Variants in ZMYM4 observed in about 807,000 individuals in gnomAD.
ZMYM4 encodes zinc finger MYM-type containing 4.
In ZMYM4, 31 loss-of-function variants were observed where a neutral mutation model predicts 183.2. That is an observed-to-expected ratio of 0.17 (90% CI 0.13 to 0.23). ZMYM4 has a LOEUF of 0.23. Among genes scored for constraint, ZMYM4 ranks in the 10% least tolerant of loss-of-function variants. The pLI is 1.00. For missense variants in ZMYM4, 1,273 were observed against 1,840.3 expected, an observed-to-expected ratio of 0.69 and a Z score of 5.64; for synonymous variants, 592 against 631.2, an observed-to-expected ratio of 0.94 and a Z score of 0.93.
At chr1:35,364,708 A>G (rs1413564884) in intron 5 of ZMYM4, among the ~76,000 whole-genome samples, 1 of 152,198 alleles carries the variant, frequency 6.6e-6, no homozygotes, top group Non-Finnish European at 1.5e-5. Flanking sequence ...ATGGTTCAAT[A>G]AAATCATAGC....
intron 1 of ZMYM4, among the ~76,000 whole-genome samples, chr1:35,304,767 C>A (rs943818031): frequency 6.6e-6 from 1 of 152,040 alleles, no homozygotes; most frequent in African/African-American, 2.4e-5. Context: ...CCACTCCCAG[C>A]CTCAATTATT....
In ZMYM4 at chr1:35,344,859, T is replaced by G. The variant is rs548135643; in HGVS notation, c.86-14066T>G. Reference sequence around the variant, plus strand: ...ATTGGCCATATAAAATTAGGAAATATTCCTTTCTCATATTTGCTTAAAGAG... The same window carrying G: ...ATTGGCCATATAAAATTAGGAAATAGTCCTTTCTCATATTTGCTTAAAGAG... On this transcript the variant is annotated intron_variant, in intron 2 of 29. Transcript: ENST00000314607. Among the ~76,000 whole-genome samples, 4 of 152,342 alleles carry G rather than the reference T, an allele frequency of 2.6e-5. No individual in the cohort carries two copies. In the East Asian group the frequency reaches 7.7e-4, roughly 29 times the overall value.
intron 2 of ZMYM4, among the ~76,000 whole-genome samples, chr1:35,335,584 C>T (rs1642937973): frequency 1.3e-5 from 2 of 152,140 alleles, no homozygotes; most frequent in South Asian, 4.2e-4. Flanking sequence ...GTATGCGGTT[C>T]TTGTTTATTT....
chr1:35,276,933 C>A (rs557856793), intron 1 of ZMYM4, among the ~76,000 whole-genome samples: 94 of 152,224 alleles, frequency 6.2e-4, no homozygotes, highest in African/African-American at 2.2e-3. Context: ...AACTCATACC[C>A]CCTGTGCTCC....
At chr1:35,276,739 C>G (rs1420620884) in intron 1 of ZMYM4, among the ~76,000 whole-genome samples, 3 of 152,092 alleles carry the variant, frequency 2.0e-5, no homozygotes, top group African/African-American at 7.2e-5. Context: ...TCCCGAGTAG[C>G]TGGGATTATA....
intron 7 of ZMYM4, among the ~76,000 whole-genome samples, chr1:35,373,928 G>C (rs1644275204): frequency 6.6e-6 from 1 of 150,544 alleles, no homozygotes. Flanking sequence ...ACTTTATACT[G>C]CTTGAATTGT....
chr1:35,387,410 C>T (rs1376030372), intron 12 of ZMYM4, 44 bp from the exon 13 acceptor site: 2 of 1,576,028 alleles, frequency 1.3e-6, no homozygotes, highest in Non-Finnish European at 1.7e-6. Flanking sequence ...TTCCATAAGA[C>T]AAACCAAATG....
chr1:35,384,324 C>T (rs997646863), intron 9 of ZMYM4, among the ~76,000 whole-genome samples: 15 of 152,092 alleles, frequency 9.9e-5, no homozygotes, highest in African/African-American at 2.9e-4. Context: ...AGAAGACATT[C>T]CAGAATTCAG....
Position 35,387,611 on chromosome 1 carries a change from A to G in ZMYM4, c.2263+7A>G, listed in dbSNP as rs771284257. 2 of 1,599,016 alleles carry G rather than the reference A, an allele frequency of 1.3e-6. No homozygotes were observed. The highest frequency in any genetic ancestry group is 2.2e-5 in the East Asian group (1 of 44,792). On this transcript the variant is annotated splice_region_variant and intron_variant, in intron 13 of 29. Transcript: ENST00000314607. ...AAGTCATTCTGTAGTGAAGGTAAAG[A>G]CAGAAGATTATCTTACCTACTGAGC...
chr1:35,380,590 C>T (rs567744600), intron 7 of ZMYM4, among the ~76,000 whole-genome samples: 19 of 152,098 alleles, frequency 1.2e-4, no homozygotes, highest in South Asian at 6.2e-4. Flanking sequence ...CCTCCCAAAG[C>T]GTTGGGATTA....
At chr1:35,303,132 A>G (rs1303899235) in intron 1 of ZMYM4, among the ~76,000 whole-genome samples, 1 of 150,958 alleles carries the variant, frequency 6.6e-6, no homozygotes, top group Non-Finnish European at 1.5e-5. Flanking sequence ...TCTTTGCAAA[A>G]AATCCAGAAA....
chr1:35,317,670 GA>G (rs1489635213), intron 1 of ZMYM4, among the ~76,000 whole-genome samples: 6 of 152,144 alleles, frequency 3.9e-5, no homozygotes, highest in Admixed American at 2.6e-4. Flanking sequence ...AAAGATGCTA[GA>G]ACAGATCGGG....
In ZMYM4 at chr1:35,373,368, C is replaced by CT. The variant is rs1275965881; in HGVS notation, c.1181+2752dup. On this transcript the variant is annotated intron_variant, in intron 7 of 29. Coordinates refer to ENST00000314607, the MANE Select transcript of ZMYM4 (RefSeq NM_005095.3). ...TGAATGGGAGAATTAATGATCTTAA[C>CT]TTTTTTTTTTTCTTTTTTTTTTTTG... 5.4e-3 allele frequency among the ~76,000 whole-genome samples: 764 copies of CT among 140,962 alleles called. 5 individuals carry two copies. The highest frequency in any genetic ancestry group is 0.018 in the African/African-American group (702 of 38,308). 92.5% of individuals were successfully genotyped at this position (140,962 alleles called of 152,430 possible). A position where few individuals can be genotyped will look rare whatever the true frequency, so the allele number is the denominator to read the frequency against.
In ZMYM4 at chr1:35,399,127, C is replaced by G. The variant is rs548158183; in HGVS notation, c.3433+84C>G. On this transcript the variant is annotated intron_variant, in intron 22 of 29. Coordinates refer to ENST00000314607, the MANE Select transcript of ZMYM4 (RefSeq NM_005095.3). Reference sequence around the variant, plus strand: ...CTGAATTGACACTATTAAGCAGTGCCAATTGTTATTGATAATAACAGTGTA... The same window carrying G: ...CTGAATTGACACTATTAAGCAGTGCGAATTGTTATTGATAATAACAGTGTA... The G allele has an allele frequency of 6.5e-4, 872 of 1,336,512 alleles. 7 individuals carry two copies. In the Middle Eastern group the frequency reaches 0.013, roughly 21 times the overall value. 82.8% of individuals were successfully genotyped at this position (1,336,512 alleles called of 1,614,324 possible).
chr1:35,388,844 G>C, intron 13 of ZMYM4, 66 bp from the exon 14 acceptor site: 1 of 1,494,924 alleles, frequency 6.7e-7, no homozygotes, highest in Non-Finnish European at 9.3e-7. Context: ...CCTGTCCTAG[G>C]CCATTTAAAG....
intron 7 of ZMYM4, among the ~76,000 whole-genome samples, chr1:35,371,064 T>TGC (rs1644199068): frequency 1.2e-5 from 1 of 86,328 alleles, no homozygotes; most frequent in African/African-American, 6.4e-5. Context: ...TGGCTTCCAG[T>TGC]GTGTGTGTGT....
chr1:35,307,886 A>G lies in ZMYM4; in HGVS notation c.40-17474A>G, dbSNP rs372261650. 3.6e-3 allele frequency among the ~76,000 whole-genome samples: 529 copies of G among 145,464 alleles called. 2 individuals carry two copies. Among genetic ancestry groups the G allele is most frequent in the Non-Finnish European group, 5.0e-3 (327 of 66,034 alleles). On this transcript the variant is annotated intron_variant, in intron 1 of 29. Coordinates refer to ENST00000314607, the MANE Select transcript of ZMYM4 (RefSeq NM_005095.3). ...CTTCTGTCCCCCAGGCTGGAGTGCAATGGTGCAATCTCGGCTCACTGCAAC... is the reference window on the plus strand; with the variant it reads ...CTTCTGTCCCCCAGGCTGGAGTGCAGTGGTGCAATCTCGGCTCACTGCAAC...
At chr1:35,307,104 G>A (rs940876915) in intron 1 of ZMYM4, among the ~76,000 whole-genome samples, 3 of 152,136 alleles carry the variant, frequency 2.0e-5, no homozygotes, top group Admixed American at 1.3e-4. Flanking sequence ...ATGTCCTTGG[G>A]TGATTTCTTT....
Position 35,349,556 on chromosome 1 carries a change from G to A in ZMYM4, c.86-9369G>A, listed in dbSNP as rs191278415. Among the ~76,000 whole-genome samples the A allele has an allele frequency of 1.8e-4, 27 of 152,150 alleles. 2 individuals carry two copies. The highest frequency in any genetic ancestry group is 2.9e-4 in the African/African-American group (12 of 41,552). ...TGTTTATGTGACAGCGGCCGAGCGCGGTGGCTCATGCCTGTAATCCTAGCA... is the reference window on the plus strand; with the variant it reads ...TGTTTATGTGACAGCGGCCGAGCGCAGTGGCTCATGCCTGTAATCCTAGCA... On this transcript the variant is annotated intron_variant, in intron 2 of 29. Transcript: ENST00000314607.
Sources: allele counts gnomAD v4.1 joint callset (sites outside exome capture counted in the v4.1 genomes callset), GRCh38; gene constraint gnomAD v4.1.1; transcripts MANE v1.5; gene names NCBI Gene and HGNC (gene_info 2026-07-23, HGNC 2026-07-21).